Variants in RBPJ observed in about 807,000 individuals in gnomAD.
RBPJ encodes recombining binding protein suppressor of hairless.
Under a neutral mutation model 67.8 loss-of-function variants are expected in RBPJ, and 9 were observed. That is an observed-to-expected ratio of 0.13 (90% CI 0.08 to 0.23). RBPJ has a LOEUF of 0.23. Ranked by LOEUF, RBPJ falls within the 10% of genes least tolerant of loss-of-function variation. The pLI is 1.00. For missense variants in RBPJ, 305 were observed against 595.6 expected (o/e 0.51, Z 5.08); for synonymous variants, 198 against 203.3 (o/e 0.97, Z 0.22).
chr4:26,108,141 G>T, the RBPJ span, among the ~76,000 whole-genome samples: 4 of 152,188 alleles, frequency 2.6e-5, no homozygotes, highest in Non-Finnish European at 5.9e-5. Context: ...TCTGCCACTA[G>T]CTCTTAAATC....
chr4:26,383,237 A>G (rs1452535145), intron 1 of RBPJ, among the ~76,000 whole-genome samples: 1 of 152,238 alleles, frequency 6.6e-6, no homozygotes, highest in East Asian at 1.9e-4. Context: ...TTTCCAAAAA[A>G]GGACTTAGAT....
At chr4:26,373,448 G>C (rs533982956) in intron 1 of RBPJ, among the ~76,000 whole-genome samples, 1 of 151,878 alleles carries the variant, frequency 6.6e-6, no homozygotes, top group South Asian at 2.1e-4. Flanking sequence ...CTCTGTTATT[G>C]AAAAGGAAAG....
the RBPJ span, among the ~76,000 whole-genome samples, chr4:26,121,146 G>C: frequency 6.6e-6 from 1 of 152,062 alleles, no homozygotes; most frequent in East Asian, 1.9e-4. Flanking sequence ...TTCAGAAAAT[G>C]ATAGATTCCA....
chr4:26,273,759 G>A (rs938581091), intron 1 of RBPJ, among the ~76,000 whole-genome samples: 5 of 152,188 alleles, frequency 3.3e-5, no homozygotes, highest in Non-Finnish European at 7.4e-5. Flanking sequence ...TTGCATCACT[G>A]GTAACCACAG....
chr4:26,229,669 T>TAAGA, intron 1 of RBPJ, among the ~76,000 whole-genome samples: 1 of 152,208 alleles, frequency 6.6e-6, no homozygotes, highest in Non-Finnish European at 1.5e-5. Context: ...TGGCTGTGTG[T>TAAGA]CATCTAAGCT....
chr4:26,314,874 C>T (rs367754987), upstream of RBPJ, among the ~76,000 whole-genome samples: 20 of 152,038 alleles, frequency 1.3e-4, no homozygotes, highest in South Asian at 3.1e-3. Context: ...ATGCCAGGTG[C>T]GGTGGCTCAC....
rs73112582 is a variant in RBPJ at position 26,196,918 on chromosome 4, G to A, written c.-167+33304G>A. On this transcript the variant is annotated intron_variant, in intron 1 of 4. Transcript: ENST00000512351. ...TTCACTTTTAAATTAATGTTCAAGCGGATTTCCTTGGATCATAGGAATAGT... is the reference window on the plus strand; with the variant it reads ...TTCACTTTTAAATTAATGTTCAAGCAGATTTCCTTGGATCATAGGAATAGT... Among the ~76,000 whole-genome samples, 725 of 152,162 alleles carry A rather than the reference G, an allele frequency of 4.8e-3. 5 individuals are homozygous for A. The highest frequency in any genetic ancestry group is 0.017 in the African/African-American group (687 of 41,476).
chr4:26,361,895 C>T (rs1486031666), intron 1 of RBPJ, among the ~76,000 whole-genome samples: 3 of 152,106 alleles, frequency 2.0e-5, no homozygotes, highest in Non-Finnish European at 1.5e-5. Flanking sequence ...CAGAGAATGG[C>T]GGTAAAACTT....
At position 26,430,274 on chromosome 4, in the gene RBPJ, A is replaced by G; in HGVS notation, c.1045-145A>G. The G allele has an allele frequency of 1.2e-6, 1 of 851,024 alleles. No homozygotes were observed. Among genetic ancestry groups the G allele is most frequent in the Non-Finnish European group, 1.9e-6 (1 of 539,344 alleles). 52.7% of individuals were successfully genotyped at this position (851,024 alleles called of 1,614,324 possible). A position where few individuals can be genotyped will look rare whatever the true frequency, so the allele number is the denominator to read the frequency against. Reference sequence around the variant, plus strand: ...AAATAAACTTGTATGTTATCTTGAAATGTTTTTAGCTAGCTTTGTAATAAA... The same window carrying G: ...AAATAAACTTGTATGTTATCTTGAAGTGTTTTTAGCTAGCTTTGTAATAAA... On this transcript the variant is annotated intron_variant, in intron 9 of 10. Coordinates refer to ENST00000355476, the MANE Select transcript of RBPJ (RefSeq NM_015874.6). This position sits in a 1 kb window ranked among gnomAD's most constrained non-coding sequence, Gnocchi z 4.1.
At chr4:26,408,633 A>G (rs1010309285) in intron 3 of RBPJ, among the ~76,000 whole-genome samples, 2 of 152,340 alleles carry the variant, frequency 1.3e-5, no homozygotes, top group African/African-American at 4.8e-5. Context: ...AGTGCTTTAT[A>G]AATATTTTAA....
chr4:26,111,464 G>A, the RBPJ span, among the ~76,000 whole-genome samples: 1 of 152,190 alleles, frequency 6.6e-6, no homozygotes, highest in Non-Finnish European at 1.5e-5. Flanking sequence ...TATAGCCCAG[G>A]CAGGGCTGAT....
the RBPJ span, among the ~76,000 whole-genome samples, chr4:26,135,825 A>G: frequency 1.3e-5 from 2 of 152,214 alleles, no homozygotes; most frequent in Admixed American, 1.3e-4. Context: ...GAAGAGGTCA[A>G]CCCCACATGT....
intron 1 of RBPJ, among the ~76,000 whole-genome samples, chr4:26,268,059 T>C (rs189181093): frequency 2.2e-4 from 34 of 152,294 alleles, no homozygotes; most frequent in Admixed American, 1.2e-3. Context: ...ATACTTCTAT[T>C]TCAAAAATTT....
chr4:26,147,000 A>G, the RBPJ span, among the ~76,000 whole-genome samples: 2 of 152,174 alleles, frequency 1.3e-5, no homozygotes, highest in African/African-American at 4.8e-5. Flanking sequence ...TCAAAGTAGG[A>G]AAGGAGGAGG....
At chr4:26,255,254 A>C (rs573797567) in intron 1 of RBPJ, among the ~76,000 whole-genome samples, 256 of 135,564 alleles carry the variant, frequency 1.9e-3, no homozygotes, top group African/African-American at 7.4e-3. Flanking sequence ...AATACAAAAA[A>C]TGAGCCGGGC....
chr4:26,286,167 T>G (rs1461928212), intron 1 of RBPJ, among the ~76,000 whole-genome samples: 1 of 149,666 alleles, frequency 6.7e-6, no homozygotes, highest in Non-Finnish European at 1.5e-5. Flanking sequence ...AAATATCACG[T>G]GGGACAGTAA....
chr4:26,241,804 G>A (rs1014124080), intron 1 of RBPJ, among the ~76,000 whole-genome samples: 1 of 152,120 alleles, frequency 6.6e-6, no homozygotes. Flanking sequence ...GAGCCGCTAA[G>A]CCTGGCCCTA....
At chr4:26,343,788 T>C (rs1226297333) in intron 1 of RBPJ, among the ~76,000 whole-genome samples, 1 of 146,648 alleles carries the variant, frequency 6.8e-6, no homozygotes, top group African/African-American at 2.5e-5. Context: ...TTTGCTCTTC[T>C]TGCCCAGACT....
chr4:26,356,291 A>G (rs752730703), intron 1 of RBPJ, among the ~76,000 whole-genome samples: 1 of 152,212 alleles, frequency 6.6e-6, no homozygotes, highest in South Asian at 2.1e-4. Flanking sequence ...CAGGCTGCAC[A>G]TGCACTTGGG....
Sources: allele counts gnomAD v4.1 joint callset (sites outside exome capture counted in the v4.1 genomes callset), GRCh38; gene constraint gnomAD v4.1.1; non-coding constraint Gnocchi (gnomAD v3.1); transcripts MANE v1.5; gene names NCBI Gene and HGNC (gene_info 2026-07-23, HGNC 2026-07-21).